The following EPS15L1 variants were observed in gnomAD, a reference collection of about 807,000 sequenced individuals.
The protein encoded by EPS15L1 is epidermal growth factor receptor pathway substrate 15 like 1, also known as epidermal growth factor receptor substrate 15-like 1.
Under a neutral mutation model 117.1 loss-of-function variants are expected in EPS15L1, and 43 were observed. The ratio of observed to expected loss-of-function variants is 0.37; its 90% CI spans 0.29 to 0.47. EPS15L1 has a LOEUF of 0.47. Ranked by LOEUF, EPS15L1 falls within the 20% of genes least tolerant of loss-of-function variation. The probability of loss-of-function intolerance (pLI) is 0.99; values close to 1 mark genes in which losing one functional copy is unlikely to be tolerated. For missense variants in EPS15L1, 981 were observed against 1,164.0 expected (o/e 0.84, Z 2.29); for synonymous variants, 459 against 470.5 (o/e 0.98, Z 0.32).
intron 1 of EPS15L1, chr19:16,443,629 G>C (rs1345583776): frequency 6.6e-6 from 1 of 151,992 alleles, no homozygotes; most frequent in African/African-American, 2.4e-5. Flanking sequence ...AGAATCGCTT[G>C]AACCCAGGAG....
intron 1 of EPS15L1, among the ~76,000 whole-genome samples, chr19:16,445,116 C>T (rs2093070653): frequency 6.6e-6 from 1 of 152,202 alleles, no homozygotes. Flanking sequence ...GTCTTTGAGG[C>T]ATGCAGGGTT....
intron 22 of EPS15L1, among the ~76,000 whole-genome samples, chr19:16,363,145 G>A: frequency 6.6e-6 from 1 of 152,154 alleles, no homozygotes; most frequent in Non-Finnish European, 1.5e-5. Flanking sequence ...TTGCAGGCCA[G>A]CCGGGCTGAC....
At position 16,386,238 on chromosome 19, in the gene EPS15L1, G is replaced by C. The variant is rs2092419743; in HGVS notation, c.2104-7C>G. ...TGGATTCAAAGGGGTCGAGCTAAAT[G>C]AAAGGAGAGAGGAAAGAGTAAAAAG... On this transcript the variant is annotated splice_polypyrimidine_tract_variant and splice_region_variant and intron_variant, in intron 19 of 23. Coordinates refer to ENST00000455140, the MANE Select transcript of EPS15L1 (RefSeq NM_001258374.3). 1 of 1,609,254 alleles carries C rather than the reference G, an allele frequency of 6.2e-7. No individual in the cohort carries two copies. Among genetic ancestry groups the C allele is most frequent in the African/African-American group, 1.3e-5 (1 of 74,810 alleles).
chr19:16,406,794 G>A (rs1229825240), intron 13 of EPS15L1, among the ~76,000 whole-genome samples: 2 of 152,242 alleles, frequency 1.3e-5, no homozygotes, highest in Non-Finnish European at 2.9e-5. Flanking sequence ...CATGACAGGA[G>A]GACAAGAGGG....
chr19:16,414,409 T>A (rs1157535832), intron 12 of EPS15L1, among the ~76,000 whole-genome samples: 1 of 151,908 alleles, frequency 6.6e-6, no homozygotes, highest in African/African-American at 2.4e-5. Flanking sequence ...ACTACTACTT[T>A]TTTTTTTTTG....
chr19:16,427,195 G>C (rs569562614), intron 8 of EPS15L1, among the ~76,000 whole-genome samples: 5 of 152,248 alleles, frequency 3.3e-5, no homozygotes, highest in East Asian at 3.9e-4. Context: ...GAGGCCAAGG[G>C]GGGAGGTCGC....
chr19:16,359,833 A>G (rs183973381), intron 23 of EPS15L1, among the ~76,000 whole-genome samples: 2 of 152,106 alleles, frequency 1.3e-5, no homozygotes, highest in East Asian at 1.9e-4. Context: ...ACTGCATTCT[A>G]GCCTGGGCAA....
Position 16,420,086 on chromosome 19 carries a change from G to A in EPS15L1, c.950+1233C>T, listed in dbSNP as rs1389776402. The stretch of plus-strand genomic sequence containing the variant: ...CCCCCTCCTCCCAGTCCCTCCTGGT[G>A]TGTCATCTACATTGGGCCATGCCCC... On this transcript the variant is annotated intron_variant, in intron 10 of 23. Transcript: ENST00000455140. Among the ~76,000 whole-genome samples, 5 of 152,310 alleles carry A rather than the reference G, an allele frequency of 3.3e-5. No homozygotes were observed. The South Asian group carries it at 1.0e-3, about 32-fold the overall frequency.
intron 19 of EPS15L1, among the ~76,000 whole-genome samples, chr19:16,391,579 G>A (rs972116819): frequency 6.6e-6 from 1 of 151,214 alleles, no homozygotes; most frequent in African/African-American, 2.4e-5. Flanking sequence ...TATGAAGCAC[G>A]CTCACTCCAT....
At chr19:16,413,894 C>T (rs914492743) in intron 12 of EPS15L1, 49 bp from the exon 13 acceptor site, 1 of 1,411,706 alleles carries the variant, frequency 7.1e-7, no homozygotes, top group East Asian at 2.3e-5. Context: ...TAATAAGCCT[C>T]CACCCCTTCC....
At chr19:16,417,421 G>C (rs978688390) in intron 12 of EPS15L1, 131 bp downstream of exon 12, 1 of 757,096 alleles carries the variant, frequency 1.3e-6, no homozygotes, top group Non-Finnish European at 2.3e-6. Context: ...CTCAGAAGCT[G>C]TATCTTTTCC....
At chr19:16,409,835 G>A (rs1331960276) in intron 13 of EPS15L1, among the ~76,000 whole-genome samples, 1 of 151,108 alleles carries the variant, frequency 6.6e-6, no homozygotes, top group Non-Finnish European at 1.5e-5. Context: ...CTACTTGGGA[G>A]GCTAAGGCAG....
chr19:16,452,478 G>C (rs1450545253), intron 1 of EPS15L1, among the ~76,000 whole-genome samples: 1 of 150,756 alleles, frequency 6.6e-6, no homozygotes, highest in African/African-American at 2.4e-5. Context: ...GCCAGAGCCA[G>C]GTGTAGTGGC....
chr19:16,374,977 T>C (rs551155680), intron 22 of EPS15L1, among the ~76,000 whole-genome samples: 1 of 152,390 alleles, frequency 6.6e-6, no homozygotes, highest in South Asian at 2.1e-4. Context: ...AATGAATGCA[T>C]GCACATATAT....
chr19:16,362,462 G>C (rs999695871), intron 22 of EPS15L1, among the ~76,000 whole-genome samples: 1 of 139,854 alleles, frequency 7.2e-6, no homozygotes, highest in Admixed American at 7.2e-5. Context: ...TATTCGGTGT[G>C]TTAGTTATAA....
intron 20 of EPS15L1, 109 bp from the exon 21 acceptor site, chr19:16,385,320 T>G (rs1461736894): frequency 8.8e-6 from 8 of 904,022 alleles, no homozygotes; most frequent in Non-Finnish European, 1.4e-5. Context: ...TCAGGAAGGC[T>G]GCATTTATTC....
At chr19:16,443,063 C>T (rs909980723) in intron 1 of EPS15L1, among the ~76,000 whole-genome samples, 1 of 152,196 alleles carries the variant, frequency 6.6e-6, no homozygotes. Flanking sequence ...GAAATGCTGG[C>T]TGTAAAAGTT....
Position 16,355,781 on chromosome 19 carries a change from G to A in EPS15L1, c.2657C>T (p.Ala886Val), listed in dbSNP as rs1309144013. Residue 886 changes from alanine (A) to valine (V), a missense_variant, in exon 24 of 24, where the codon GCG becomes GTG. Coordinates refer to ENST00000455140, the MANE Select transcript of EPS15L1 (RefSeq NM_001258374.3). ...CTCCTGCTCCTGCCGCCGCAGCCGC[G>A]CCAGCCTCTCCTGTTCCGCCTTCTC... ...ESEKAEQERL[A>V]RLRRQEQEDL... 14 of 1,535,956 alleles carry A rather than the reference G, an allele frequency of 9.1e-6. No individual in the cohort carries two copies. Among genetic ancestry groups the A allele is most frequent in the Admixed American group, 5.9e-5 (3 of 50,990 alleles).
intron 8 of EPS15L1, among the ~76,000 whole-genome samples, chr19:16,427,184 G>A (rs965819611): frequency 1.3e-5 from 2 of 152,156 alleles, no homozygotes; most frequent in Non-Finnish European, 2.9e-5. Flanking sequence ...ATTTTCTGTC[G>A]GAGGCCAAGG....
Sources: allele counts gnomAD v4.1 joint callset (sites outside exome capture counted in the v4.1 genomes callset), GRCh38; gene constraint gnomAD v4.1.1; transcripts MANE v1.5; gene names NCBI Gene and HGNC (gene_info 2026-07-23, HGNC 2026-07-21).